EMC8: variants seen among roughly 807,000 people sequenced by gnomAD.
EMC8 encodes the protein COX4 neighbor.
A neutral mutation model predicts 24.3 loss-of-function variants in EMC8; 11 were observed. That is an observed-to-expected ratio of 0.45 (90% CI 0.28 to 0.75). The LOEUF is 0.75. Ranked by LOEUF, EMC8 falls within the 30% of genes least tolerant of loss-of-function variation. The pLI, the probability that EMC8 is intolerant of heterozygous loss-of-function variation, is 0.12. For synonymous variants in EMC8, 145 were observed against 117.7 expected (o/e 1.23, Z -1.50); for missense variants, 277 against 282.7 (o/e 0.98, Z 0.14).
chr16:85,796,459 T>C (rs116632634), intron 1 of EMC8, among the ~76,000 whole-genome samples: 4,464 of 152,208 alleles, frequency 0.029, 217 homozygotes, highest in African/African-American at 0.1. Context: ...GTCTCCAGCA[T>C]CCTTTCTGCT....
intron 1 of EMC8, among the ~76,000 whole-genome samples, chr16:85,798,120 T>TG (rs1905337842): frequency 7.3e-6 from 1 of 137,680 alleles, no homozygotes; most frequent in Non-Finnish European, 1.6e-5. Context: ...ATTCGTTTTT[T>TG]TTTTTTTTTT....
intron 1 of EMC8, among the ~76,000 whole-genome samples, chr16:85,793,220 G>A (rs886111584): frequency 7.9e-5 from 12 of 152,102 alleles, no homozygotes; most frequent in African/African-American, 2.4e-4. Context: ...ATCCCCCCAC[G>A]CCCCTTGTGA....
intron 1 of EMC8, 42 bp from the exon 2 acceptor site, chr16:85,789,092 C>T (rs1334997036): frequency 7.6e-6 from 10 of 1,307,652 alleles, no homozygotes; most frequent in African/African-American, 1.5e-5. Flanking sequence ...AATGACTCTC[C>T]CTTAAATATC....
chr16:85,789,008 A>G lies in EMC8; in HGVS notation c.274T>C (p.Tyr92His). The G allele has an allele frequency of 6.2e-7, 1 of 1,614,030 alleles. No individual in the cohort carries two copies. The highest frequency in any genetic ancestry group is 8.5e-7 in the Non-Finnish European group (1 of 1,179,850). The change falls in exon 2 of 5, where the codon TAT becomes CAT. Residue 92 changes from tyrosine (Y) to histidine (H), a missense_variant. Tyr to His is a moderately conservative substitution (Grantham distance 83). Transcript: ENST00000253457. ...TTTACTCGCTCATTAGCTTGATAAT[A>G]ACCAGCAATCACGTAGCTATGATCT... is the stretch of plus-strand genomic sequence containing the variant. Reference protein sequence around the residue: ...CKDHSYVIAGYYQANERVKDA... With the variant: ...CKDHSYVIAGHYQANERVKDA...
chr16:85,792,465 A>G (rs74319509), intron 1 of EMC8: 1 of 152,238 alleles, frequency 6.6e-6, no homozygotes, highest in Admixed American at 6.5e-5. Context: ...CCGTTCACCA[A>G]CTGAGGAATG....
In EMC8 at chr16:85,783,637, G is replaced by A. The variant is rs187058539; in HGVS notation, c.309-2357C>T. ...GCAGGCCTTCGTTACGGTGAACTGA[G>A]CTACCGTGTGCAGCCACAGGGGCAA... On this transcript the variant is annotated intron_variant, in intron 2 of 4. Coordinates refer to ENST00000253457, the MANE Select transcript of EMC8 (RefSeq NM_006067.5). Among the ~76,000 whole-genome samples the A allele has an allele frequency of 3.9e-3, 590 of 152,322 alleles. 3 individuals are homozygous for A. The highest frequency in any genetic ancestry group is 5.5e-3 in the Non-Finnish European group (375 of 68,034).
chr16:85,799,170 G>T lies in EMC8; in HGVS notation c.126C>A (p.Leu42=), dbSNP rs199796380. 309 of 1,611,476 alleles carry T rather than the reference G, an allele frequency of 1.9e-4. No individual in the cohort carries two copies. The highest frequency in any genetic ancestry group is 6.6e-4 in the Middle Eastern group (4 of 6,054). Residue 42 remains leucine, a synonymous_variant, in exon 1 of 5, where the codon CTC becomes CTA. Coordinates refer to ENST00000253457, the MANE Select transcript of EMC8 (RefSeq NM_006067.5). This position sits in a 1 kb window ranked among gnomAD's most constrained non-coding sequence, Gnocchi z 4.2. ...GGTGGGCGCCGGGGCCGCCCAGGGG[G>T]AGGTGCTCCTTACGCGGCTTCTGCT... ...AEKQKPRKEH[L]PLGGPGAHHT... is the part of the protein sequence containing the mutation.
chr16:85,794,660 G>C (rs1017030979), intron 1 of EMC8, among the ~76,000 whole-genome samples: 7 of 152,210 alleles, frequency 4.6e-5, no homozygotes, highest in Admixed American at 4.6e-4. Context: ...CTGCACTCCA[G>C]CCTGGGTGAC....
intron 2 of EMC8, among the ~76,000 whole-genome samples, chr16:85,785,533 G>A (rs554626492): frequency 2.0e-5 from 3 of 152,258 alleles, no homozygotes; most frequent in Non-Finnish European, 4.4e-5. Context: ...TCGTGCCACT[G>A]CACTCCAGCC....
intron 1 of EMC8, among the ~76,000 whole-genome samples, chr16:85,789,964 C>G (rs565791332): frequency 1.3e-5 from 2 of 152,264 alleles, no homozygotes; most frequent in South Asian, 2.1e-4. Flanking sequence ...AGCAAGGTGG[C>G]AGACCTTTGA....
At chr16:85,780,168 G>A (rs1597197731) in intron 4 of EMC8, 8 of 603,864 alleles carry the variant, frequency 1.3e-5, no homozygotes, top group Non-Finnish European at 2.4e-5. Context: ...GTGCTCTAGC[G>A]CCTGGGGTGG....
At chr16:85,781,660 C>T (rs1003965545) in intron 2 of EMC8, 1 of 190,798 alleles carries the variant, frequency 5.2e-6, no homozygotes, top group African/African-American at 2.5e-5. Flanking sequence ...CTATGTTGCC[C>T]ACACTGGTCT....
intron 2 of EMC8, among the ~76,000 whole-genome samples, chr16:85,786,118 C>T (rs561041974): frequency 6.7e-4 from 102 of 152,324 alleles, no homozygotes; most frequent in African/African-American, 2.4e-3. Context: ...GACAAACACA[C>T]TGCGCAATTT....
chr16:85,799,406 T>G lies in EMC8; in HGVS notation c.-111A>C. 1 of 600,902 alleles carries G rather than the reference T, an allele frequency of 1.7e-6. No homozygotes were observed. Among genetic ancestry groups the G allele is most frequent in the South Asian group, 3.2e-5 (1 of 31,562 alleles). 37.2% of individuals were successfully genotyped at this position (600,902 alleles called of 1,614,324 possible). ...AGCGGGACGAGGCGGCGGCGATTGA[T>G]GGCGCGGCCGCGGGCTGGCGGGGGA... On this transcript the variant is annotated 5_prime_UTR_variant, in exon 1 of 5. Transcript: ENST00000253457. This position sits in a 1 kb window ranked among gnomAD's most constrained non-coding sequence, Gnocchi z 4.2.
At chr16:85,787,117 G>T (rs1025711904) in intron 2 of EMC8, among the ~76,000 whole-genome samples, 3 of 152,108 alleles carry the variant, frequency 2.0e-5, no homozygotes, top group Non-Finnish European at 4.4e-5. Flanking sequence ...GAGCACAGAG[G>T]AGCCCTCAGC....
intron 2 of EMC8, chr16:85,781,574 C>A: frequency 3.8e-6 from 1 of 261,238 alleles, no homozygotes; most frequent in Non-Finnish European, 7.4e-6. Flanking sequence ...ACTATAGGCA[C>A]AGGCCACCAC....
At chr16:85,788,036 G>A (rs1235094443) in intron 2 of EMC8, among the ~76,000 whole-genome samples, 1 of 152,200 alleles carries the variant, frequency 6.6e-6, no homozygotes, top group Non-Finnish European at 1.5e-5. Context: ...ACACTGGAGG[G>A]TCGGCTCTAT....
intron 2 of EMC8, among the ~76,000 whole-genome samples, chr16:85,786,426 T>C (rs552974301): frequency 6.6e-6 from 1 of 152,342 alleles, no homozygotes; most frequent in East Asian, 1.9e-4. Flanking sequence ...GTGTGGCCTC[T>C]GAGAAGCCAC....
At chr16:85,789,939 G>C (rs753019288) in intron 1 of EMC8, among the ~76,000 whole-genome samples, 2 of 152,146 alleles carry the variant, frequency 1.3e-5, no homozygotes, top group African/African-American at 4.8e-5. Context: ...TCTCTCCGGC[G>C]TGCTTTGAAA....
Sources: allele counts gnomAD v4.1 joint callset (sites outside exome capture counted in the v4.1 genomes callset), GRCh38; gene constraint gnomAD v4.1.1; non-coding constraint Gnocchi (gnomAD v3.1); transcripts MANE v1.5; gene names NCBI Gene and HGNC (gene_info 2026-07-23, HGNC 2026-07-21).